The following TBCD variants were observed in gnomAD, a reference collection of about 807,000 sequenced individuals.
TBCD encodes tubulin folding cofactor D.
Under a neutral mutation model 169.3 loss-of-function variants are expected in TBCD, and 105 were observed. That is an observed-to-expected ratio of 0.62 (90% CI 0.53 to 0.73). The LOEUF (loss-of-function observed/expected upper bound fraction) is 0.73, where lower values mean the gene tolerates loss of function less well. Ranked by LOEUF, TBCD falls within the 30% of genes least tolerant of loss-of-function variation. The pLI, the probability that TBCD is intolerant of heterozygous loss-of-function variation, is 0.00. For missense variants in TBCD, 1,444 were observed against 1,600.1 expected (o/e 0.90, Z 1.66); for synonymous variants, 700 against 643.9 (o/e 1.09, Z -1.32).
chr17:82,814,951 C>CG lies in TBCD; in HGVS notation c.1318+19dup, dbSNP rs750900908. 1 of 1,597,882 alleles carries CG rather than the reference C, an allele frequency of 6.3e-7. No individual in the cohort carries two copies. On this transcript the variant is annotated intron_variant, in intron 13 of 38. Transcript: ENST00000355528. The stretch of plus-strand genomic sequence containing the variant: ...TCGTGGATGGTGAGTAGCTGAGGCA[C>CG]GGTCAGGGGGGATGTCTGGCGCTGG...
At position 82,925,062 on chromosome 17, in the gene TBCD, G is replaced by A; in HGVS notation, c.2379+5G>A. 6.5e-7 allele frequency: 1 copy of A among 1,550,160 alleles called. No homozygotes were observed. Among genetic ancestry groups the A allele is most frequent in the Non-Finnish European group, 8.7e-7 (1 of 1,147,058 alleles). ...CTGAAAGGCCGGCTCCAGCAGGTGA[G>A]GCTGGCCACGCGCAGTGGACGGGGC... On this transcript the variant is annotated splice_donor_5th_base_variant and intron_variant, in intron 27 of 38. Transcript: ENST00000355528.
At chr17:82,814,734 C>T (rs1332805492) in intron 12 of TBCD, 106 bp from the exon 13 acceptor site, 2 of 1,073,174 alleles carry the variant, frequency 1.9e-6, no homozygotes, top group East Asian at 2.5e-5. Flanking sequence ...GTGAGCCTTA[C>T]AGGCAGAGGA....
intron 2 of TBCD, among the ~76,000 whole-genome samples, chr17:82,762,297 T>C (rs11868810): frequency 0.49 from 65,419 of 132,966 alleles, 16,235 homozygotes; most frequent in African/African-American, 0.66. Flanking sequence ...GCCTGGGTGA[T>C]AGAGCGAGAC....
chr17:82,752,865 C>T (rs1188757745), intron 1 of TBCD, among the ~76,000 whole-genome samples: 2 of 152,152 alleles, frequency 1.3e-5, no homozygotes, highest in African/African-American at 2.4e-5. Context: ...GGGAACAAAC[C>T]TGCTGCAAAC....
intron 18 of TBCD, 38 bp downstream of exon 18, chr17:82,900,769 T>TC (rs757142180): frequency 6.7e-7 from 1 of 1,500,634 alleles, no homozygotes; most frequent in Non-Finnish European, 9.3e-7. Flanking sequence ...GAGCTTTTTT[T>TC]CCCCCCAAAG....
intron 9 of TBCD, among the ~76,000 whole-genome samples, chr17:82,805,417 G>A (rs980100557): frequency 2.0e-5 from 3 of 152,162 alleles, no homozygotes; most frequent in Admixed American, 6.5e-5. Context: ...AGGGGCATTC[G>A]GGAGGCAGGA....
At chr17:82,757,238 G>C in intron 2 of TBCD, among the ~76,000 whole-genome samples, 1 of 152,196 alleles carries the variant, frequency 6.6e-6, no homozygotes, top group Non-Finnish European at 1.5e-5. Flanking sequence ...CTGTGTGAGA[G>C]ACACTAAGGG....
intron 12 of TBCD, among the ~76,000 whole-genome samples, chr17:82,813,904 G>A (rs913315173): frequency 6.6e-6 from 1 of 152,180 alleles, no homozygotes; most frequent in African/African-American, 2.4e-5. Flanking sequence ...AGGAGGTGAG[G>A]CAGCCACTGG....
intron 13 of TBCD, among the ~76,000 whole-genome samples, chr17:82,851,312 T>G (rs1417048395): frequency 6.6e-6 from 1 of 152,152 alleles, no homozygotes; most frequent in Admixed American, 6.5e-5. Flanking sequence ...AGTCACAAAA[T>G]TATTCTATCT....
intron 13 of TBCD, among the ~76,000 whole-genome samples, chr17:82,847,702 A>T (rs1014587173): frequency 6.6e-6 from 1 of 152,230 alleles, no homozygotes; most frequent in South Asian, 2.1e-4. Flanking sequence ...CAGTAGTGCG[A>T]TCTCCGCCTC....
At chr17:82,909,365 C>T (rs2060457476) in intron 22 of TBCD, 58 bp downstream of exon 22, 1 of 1,426,740 alleles carries the variant, frequency 7.0e-7, no homozygotes, top group Non-Finnish European at 9.6e-7. Flanking sequence ...ACTGCGCTGT[C>T]AGGAGCAGGC....
At chr17:82,805,104 G>A (rs749494553) in intron 9 of TBCD, among the ~76,000 whole-genome samples, 41 of 152,266 alleles carry the variant, frequency 2.7e-4, no homozygotes, top group Non-Finnish European at 4.6e-4. Context: ...CCCTTGGCAG[G>A]AGCAGCTGTG....
intron 17 of TBCD, 37 bp from the exon 18 acceptor site, chr17:82,900,614 T>G (rs2059822747): frequency 3.2e-6 from 5 of 1,565,352 alleles, no homozygotes; most frequent in Non-Finnish European, 4.4e-6. Context: ...TTCTCGTTCT[T>G]CCGCGTCTCA....
In TBCD at chr17:82,770,595, G is replaced by A. The variant is rs1247099919; in HGVS notation, c.583-1857G>A. ...CCCTGGGCAACAAGAGTGAAACTCC[G>A]TCTCAAAAAAAAAAAAAAAAAGTAG... On this transcript the variant is annotated intron_variant, in intron 5 of 38. Transcript: ENST00000355528. 5.5e-5 allele frequency among the ~76,000 whole-genome samples: 8 copies of A among 144,220 alleles called. No homozygotes were observed. In the South Asian group the frequency reaches 1.1e-3, roughly 19 times the overall value. 94.6% of individuals were successfully genotyped at this position (144,220 alleles called of 152,430 possible).
chr17:82,924,214 A>G (rs557297440), intron 26 of TBCD, among the ~76,000 whole-genome samples: 1 of 152,260 alleles, frequency 6.6e-6, no homozygotes, highest in South Asian at 2.1e-4. Flanking sequence ...TCAGCCTCCC[A>G]AAGTTCTGGG....
chr17:82,857,732 G>T (rs1195842292), intron 13 of TBCD, among the ~76,000 whole-genome samples: 1 of 143,002 alleles, frequency 7.0e-6, no homozygotes, highest in African/African-American at 2.6e-5. Context: ...CAACCTTGCT[G>T]CTTGTGTCTC....
chr17:82,809,348 A>G (rs576008447), intron 11 of TBCD, among the ~76,000 whole-genome samples: 38 of 152,192 alleles, frequency 2.5e-4, no homozygotes, highest in African/African-American at 8.7e-4. Flanking sequence ...TTGGGGTGGC[A>G]CAGAGGAAGC....
At chr17:82,860,308 C>T (rs2056651125) in intron 13 of TBCD, 1 of 948,122 alleles carries the variant, frequency 1.1e-6, no homozygotes. Context: ...GGCGGTCACG[C>T]TGCGCTGAGC....
chr17:82,917,717 G>T (rs976487766), intron 23 of TBCD, among the ~76,000 whole-genome samples: 1 of 152,256 alleles, frequency 6.6e-6, no homozygotes. Context: ...ATTTCTAGGT[G>T]TGGTCCTCTG....
Sources: allele counts gnomAD v4.1 joint callset (sites outside exome capture counted in the v4.1 genomes callset), GRCh38; gene constraint gnomAD v4.1.1; transcripts MANE v1.5; gene names NCBI Gene and HGNC (gene_info 2026-07-23, HGNC 2026-07-21).